GRIA1: variants seen among roughly 807,000 people sequenced by gnomAD.
GRIA1 encodes glutamate ionotropic receptor AMPA type subunit 1.
A neutral mutation model predicts 99.2 loss-of-function variants in GRIA1; 31 were observed. The observed-to-expected ratio is 0.31, with a 90% CI of 0.23 to 0.42. The LOEUF (loss-of-function observed/expected upper bound fraction) is 0.42. Among genes scored for constraint, GRIA1 ranks in the 10% least tolerant of loss-of-function variants. The pLI is 1.00. For synonymous variants in GRIA1, 438 were observed against 432.4 expected (o/e 1.01, Z -0.16); for missense variants, 782 against 1,157.5 (o/e 0.68, Z 4.71).
chr5:153,751,509 G>A (rs1762511654), intron 11 of GRIA1, among the ~76,000 whole-genome samples: 1 of 152,174 alleles, frequency 6.6e-6, no homozygotes, highest in Non-Finnish European at 1.5e-5. Context: ...ATGCACTTGC[G>A]CTTACATATT....
chr5:153,555,362 C>T (rs1760535745), intron 2 of GRIA1, among the ~76,000 whole-genome samples: 1 of 151,576 alleles, frequency 6.6e-6, no homozygotes, highest in South Asian at 2.1e-4. Context: ...TTCGCGCATT[C>T]CTACCAACGA....
chr5:153,738,181 T>C (rs1761525045), intron 11 of GRIA1, among the ~76,000 whole-genome samples: 1 of 152,220 alleles, frequency 6.6e-6, no homozygotes, highest in South Asian at 2.1e-4. Flanking sequence ...AGGTTGTGGA[T>C]GTCATTGTCC....
intron 8 of GRIA1, among the ~76,000 whole-genome samples, chr5:153,687,207 A>G (rs1757403276): frequency 2.0e-5 from 3 of 152,254 alleles, no homozygotes; most frequent in African/African-American, 4.8e-5. Context: ...GTGGCGTAGC[A>G]TAATGACTGG....
intron 15 of GRIA1, among the ~76,000 whole-genome samples, chr5:153,802,939 A>T (rs1393193815): frequency 6.6e-6 from 1 of 152,206 alleles, no homozygotes; most frequent in Non-Finnish European, 1.5e-5. Context: ...AGAAATAGAC[A>T]TTGACAAAGA....
intron 7 of GRIA1, among the ~76,000 whole-genome samples, chr5:153,685,032 A>G (rs1023296226): frequency 6.6e-6 from 1 of 152,190 alleles, no homozygotes; most frequent in African/African-American, 2.4e-5. Context: ...ATACGTTCTA[A>G]CAACAGAGGA....
intron 2 of GRIA1, among the ~76,000 whole-genome samples, chr5:153,587,679 G>A (rs1763611789): frequency 6.6e-6 from 1 of 152,112 alleles, no homozygotes; most frequent in Non-Finnish European, 1.5e-5. Context: ...TCCAAGATAT[G>A]GGTCTATTCA....
chr5:153,545,139 A>G (rs1759487433), intron 2 of GRIA1, among the ~76,000 whole-genome samples: 2 of 152,212 alleles, frequency 1.3e-5, no homozygotes, highest in Non-Finnish European at 2.9e-5. Context: ...AGAAACATTG[A>G]AAGATGGAGA....
At chr5:153,620,966 A>C (rs1208008503) in intron 2 of GRIA1, among the ~76,000 whole-genome samples, 1 of 152,166 alleles carries the variant, frequency 6.6e-6, no homozygotes, top group East Asian at 1.9e-4. Flanking sequence ...AAACAGTGAG[A>C]ATATAGCTTT....
chr5:153,791,351 CA>C (rs1225086649), intron 13 of GRIA1, among the ~76,000 whole-genome samples: 1 of 151,770 alleles, frequency 6.6e-6, no homozygotes, highest in African/African-American at 2.4e-5. Flanking sequence ...TGTGAATTAG[CA>C]TCTTATGAAA....
intron 11 of GRIA1, among the ~76,000 whole-genome samples, chr5:153,762,464 C>G (rs1414280010): frequency 1.3e-5 from 2 of 152,312 alleles, no homozygotes; most frequent in Non-Finnish European, 2.9e-5. Flanking sequence ...TATGTGAAGA[C>G]TGGTATGATT....
chr5:153,750,590 C>T (rs1762444983), intron 11 of GRIA1, among the ~76,000 whole-genome samples: 1 of 152,134 alleles, frequency 6.6e-6, no homozygotes. Flanking sequence ...ACACAGGCCC[C>T]AAGTGTCTGC....
chr5:153,780,374 C>T (rs1764554178), intron 13 of GRIA1, among the ~76,000 whole-genome samples: 1 of 152,212 alleles, frequency 6.6e-6, no homozygotes, highest in Non-Finnish European at 1.5e-5. Flanking sequence ...AAGTAGCAAG[C>T]TGCAGTATCA....
chr5:153,727,830 T>C (rs967616971), intron 11 of GRIA1, among the ~76,000 whole-genome samples: 2 of 151,962 alleles, frequency 1.3e-5, no homozygotes, highest in Non-Finnish European at 2.9e-5. Context: ...ATAGATTCAA[T>C]GCCATCCCCA....
intron 3 of GRIA1, among the ~76,000 whole-genome samples, chr5:153,650,091 G>A (rs1011106389): frequency 1.3e-5 from 2 of 152,200 alleles, no homozygotes; most frequent in Non-Finnish European, 2.9e-5. Context: ...AGGCCATTTA[G>A]CCATATGTTG....
At chr5:153,633,678 G>A (rs75299574) in intron 2 of GRIA1, among the ~76,000 whole-genome samples, 26,997 of 152,082 alleles carry the variant, frequency 0.18, 2,817 homozygotes, top group Non-Finnish European at 0.24. Flanking sequence ...AAGAGTGTTA[G>A]AGCTAATTAA....
chr5:153,562,184 G>T (rs1761190479), intron 2 of GRIA1, among the ~76,000 whole-genome samples: 1 of 152,196 alleles, frequency 6.6e-6, no homozygotes. Context: ...GTGGAAAGAT[G>T]CATTGGGGGA....
chr5:153,498,595 C>T (rs964751369), intron 2 of GRIA1, among the ~76,000 whole-genome samples: 9 of 152,302 alleles, frequency 5.9e-5, no homozygotes, highest in South Asian at 2.1e-4. Context: ...AGACATTAGG[C>T]ACTGGCAACA....
intron 15 of GRIA1, among the ~76,000 whole-genome samples, chr5:153,804,863 T>G (rs988983475): frequency 6.6e-6 from 1 of 152,164 alleles, no homozygotes; most frequent in African/African-American, 2.4e-5. Flanking sequence ...GCAATTCTCT[T>G]GCCTCACCCT....
intron 13 of GRIA1, among the ~76,000 whole-genome samples, chr5:153,792,757 G>A (rs1381876203): frequency 6.6e-6 from 1 of 152,066 alleles, no homozygotes; most frequent in Non-Finnish European, 1.5e-5. Context: ...TTTTGAGAGG[G>A]AGAGAGTGGA....
Sources: allele counts gnomAD v4.1 joint callset (sites outside exome capture counted in the v4.1 genomes callset), GRCh38; gene constraint gnomAD v4.1.1; transcripts MANE v1.5; gene names NCBI Gene and HGNC (gene_info 2026-07-23, HGNC 2026-07-21).